Variants in BMS1 observed in about 807,000 individuals in gnomAD.
BMS1 encodes BMS1 ribosome biogenesis factor.
Under a neutral mutation model 138.7 loss-of-function variants are expected in BMS1, and 53 were observed. The observed-to-expected ratio is 0.38, with a 90% confidence interval of 0.31 to 0.48. BMS1 has a LOEUF of 0.48. Among genes scored for constraint, BMS1 ranks in the 20% least tolerant of loss-of-function variants. The probability of loss-of-function intolerance (pLI) is 0.97; values close to 1 mark genes in which losing one functional copy is unlikely to be tolerated. For missense variants in BMS1, 1,360 were observed against 1,565.5 expected, an observed-to-expected ratio of 0.87 and a Z score of 2.22; for synonymous variants, 504 against 539.9, an observed-to-expected ratio of 0.93 and a Z score of 0.92.
rs1842809462 is a variant in BMS1, at chr10:42,831,981, G to T, written c.*885G>T. The T allele has an allele frequency of 6.6e-6, 1 of 152,012 alleles. No homozygotes were observed. Among genetic ancestry groups the T allele is most frequent in the Non-Finnish European group, 1.5e-5 (1 of 68,004 alleles). The allele number at this position is 152,012 out of a possible 1,614,324, so 9.4% of individuals were successfully genotyped here. ...TGTAATCATAGATTCACATATAGTT[G>T]TATATTTTGCCCAATTTCTCTCAGT... is the stretch of plus-strand genomic sequence containing the variant. On this transcript the variant is annotated 3_prime_UTR_variant, in exon 23 of 23. Transcript: ENST00000374518.
rs1362820608 is a variant in BMS1, at chr10:42,832,024, A to T, written c.*928A>T. ...CTCTCAGTGGTAATGTTTCACACAT[A>T]TAACAATCAGGATGTTGACATCAAT... On this transcript the variant is annotated 3_prime_UTR_variant, in exon 23 of 23. Coordinates refer to ENST00000374518, the MANE Select transcript of BMS1 (RefSeq NM_014753.4). 1 of 152,206 alleles carries T rather than the reference A, an allele frequency of 6.6e-6. No individual in the cohort carries two copies. Among genetic ancestry groups the T allele is most frequent in the Admixed American group, 6.5e-5 (1 of 15,286 alleles). 9.4% of individuals were successfully genotyped at this position (152,206 alleles called of 1,614,324 possible).
intron 14 of BMS1, 59 bp from the exon 15 acceptor site, chr10:42,817,259 A>C: frequency 7.9e-7 from 1 of 1,260,296 alleles, no homozygotes; most frequent in Non-Finnish European, 1.1e-6. Flanking sequence ...AAAAAAGCTA[A>C]TGTTTAAAGA....
chr10:42,823,495 A>G (rs1842559428), intron 20 of BMS1, 114 bp from the exon 21 acceptor site: 1 of 1,205,528 alleles, frequency 8.3e-7, no homozygotes, highest in Non-Finnish European at 1.1e-6. Context: ...TTTCCTTCAA[A>G]TACTTTGCAG....
intron 14 of BMS1, 95 bp from the exon 15 acceptor site, chr10:42,817,222 CT>C: frequency 2.0e-6 from 2 of 990,438 alleles, no homozygotes; most frequent in Admixed American, 2.8e-5. Flanking sequence ...CAGATTTTTG[CT>C]AAGATTCTTG....
chr10:42,784,854 T>C lies in BMS1; in HGVS notation c.176+284T>C, dbSNP rs544575212. 1.3e-3 allele frequency among the ~76,000 whole-genome samples: 200 copies of C among 152,242 alleles called. 1 individual carries two copies. The highest frequency in any genetic ancestry group is 1.5e-3 in the Admixed American group (23 of 15,302). On this transcript the variant is annotated intron_variant, in intron 2 of 22. Transcript: ENST00000374518. ...TTTCTATGGTGATAAGTGTGCTTTTTCCCCCCAGGTATGTTTTACATAGTT... is the reference window on the plus strand; with the variant it reads ...TTTCTATGGTGATAAGTGTGCTTTTCCCCCCCAGGTATGTTTTACATAGTT...
In BMS1 at chr10:42,828,860, C is replaced by T. The variant is rs565063106; in HGVS notation, c.3457-1401C>T. Reference sequence around the variant, plus strand: ...TAAAGTAGTTAATGAAATTTTGAACCGTCTTACATGAATTTTTATTAAAAT... The same window carrying T: ...TAAAGTAGTTAATGAAATTTTGAACTGTCTTACATGAATTTTTATTAAAAT... On this transcript the variant is annotated intron_variant, in intron 21 of 22. Coordinates refer to ENST00000374518, the MANE Select transcript of BMS1 (RefSeq NM_014753.4). Among the ~76,000 whole-genome samples the T allele has an allele frequency of 6.6e-5, 10 of 152,180 alleles. No homozygotes were observed. In the East Asian group the frequency reaches 1.2e-3, roughly 18 times the overall value.
In BMS1 at chr10:42,796,948, G is replaced by A. The variant is rs746799747; in HGVS notation, c.1704G>A (p.Leu568=). The A allele has an allele frequency of 6.2e-7, 1 of 1,614,226 alleles. No homozygotes were observed. The highest frequency in any genetic ancestry group is 1.1e-5 in the South Asian group (1 of 91,090). The change falls in exon 10 of 23, where the codon CTG becomes CTA. Residue 568 remains leucine (L), a synonymous_variant. Transcript: ENST00000374518. The stretch of plus-strand genomic sequence containing the variant: ...GTGTGAATCTGGAGAAGTCTTTGCT[G>A]ATGAAGAAAGCAGCTCTCCCCACTT... The part of the protein sequence containing the change: ...SDRVNLEKSL[L]MKKAALPTFD...
At chr10:42,812,436 G>A (rs774165661) in intron 13 of BMS1, among the ~76,000 whole-genome samples, 56 of 152,138 alleles carry the variant, frequency 3.7e-4, no homozygotes, top group Non-Finnish European at 6.5e-4. Context: ...CACTGTGCCC[G>A]GCCTCCGCCT....
At position 42,820,496 on chromosome 10, in the gene BMS1, T is replaced by C; in HGVS notation, c.2770-12T>C. On this transcript the variant is annotated splice_polypyrimidine_tract_variant and intron_variant, in intron 16 of 22. Coordinates refer to ENST00000374518, the MANE Select transcript of BMS1 (RefSeq NM_014753.4). ...CCCCTCCATCAATCATCTTACCCTC[T>C]CGTCCCCTCAGATGCGTCTGAAGAA... 1.2e-6 allele frequency: 2 copies of C among 1,611,246 alleles called. No individual in the cohort carries two copies. Among genetic ancestry groups the C allele is most frequent in the South Asian group, 2.2e-5 (2 of 90,882 alleles).
At chr10:42,818,830 T>A (rs551952447) in intron 15 of BMS1, among the ~76,000 whole-genome samples, 2 of 152,204 alleles carry the variant, frequency 1.3e-5, no homozygotes, top group South Asian at 4.1e-4. Flanking sequence ...ATGGGGCGAT[T>A]GTGGCCGTGA....
At chr10:42,824,087 G>A (rs992565819) in intron 21 of BMS1, among the ~76,000 whole-genome samples, 7 of 152,028 alleles carry the variant, frequency 4.6e-5, no homozygotes, top group South Asian at 2.1e-4. Context: ...GGTTACTATC[G>A]TGAAGCAAAT....
chr10:42,812,052 T>C (rs1413525044), intron 13 of BMS1, among the ~76,000 whole-genome samples: 1 of 152,196 alleles, frequency 6.6e-6, no homozygotes, highest in Non-Finnish European at 1.5e-5. Context: ...TCTTGGTAGA[T>C]TTCTATTGAC....
chr10:42,783,079 G>A (rs1460669200), intron 1 of BMS1, among the ~76,000 whole-genome samples: 2 of 152,104 alleles, frequency 1.3e-5, no homozygotes, highest in African/African-American at 4.8e-5. Context: ...TGGCGACGTG[G>A]TCCCGGTAGG....
At chr10:42,790,583 G>GT in intron 5 of BMS1, 72 bp downstream of exon 5, 1 of 1,497,230 alleles carries the variant, frequency 6.7e-7, no homozygotes, top group Admixed American at 1.8e-5. Context: ...GCCGGGTGCA[G>GT]TGGCTAACAC....
intron 7 of BMS1, 136 bp downstream of exon 7, chr10:42,792,750 G>C: frequency 1.4e-6 from 2 of 1,404,728 alleles, no homozygotes. Flanking sequence ...CCACCTATGT[G>C]TAGGCCTGCA....
intron 9 of BMS1, among the ~76,000 whole-genome samples, chr10:42,794,456 G>A (rs1171628631): frequency 6.6e-6 from 1 of 151,698 alleles, no homozygotes; most frequent in East Asian, 1.9e-4. Flanking sequence ...TTGGGGATTT[G>A]TATACCTTTA....
At chr10:42,813,451 G>A (rs1024435461) in intron 13 of BMS1, among the ~76,000 whole-genome samples, 10 of 152,060 alleles carry the variant, frequency 6.6e-5, no homozygotes, top group Non-Finnish European at 1.5e-4. Context: ...TATGCATATT[G>A]TAATATAGTA....
At chr10:42,819,370 A>AGT (rs1157637407) in intron 15 of BMS1, among the ~76,000 whole-genome samples, 1 of 152,238 alleles carries the variant, frequency 6.6e-6, no homozygotes, top group East Asian at 1.9e-4. Flanking sequence ...GACCACTTCC[A>AGT]GTGTGACTAG....
At chr10:42,784,145 C>T (rs556666209) in intron 1 of BMS1, among the ~76,000 whole-genome samples, 68 of 152,186 alleles carry the variant, frequency 4.5e-4, no homozygotes, top group Admixed American at 3.3e-3. Context: ...AGTAACTTAA[C>T]CATAAAATGT....
Sources: allele counts gnomAD v4.1 joint callset (sites outside exome capture counted in the v4.1 genomes callset), GRCh38; gene constraint gnomAD v4.1.1; transcripts MANE v1.5; gene names NCBI Gene and HGNC (gene_info 2026-07-23, HGNC 2026-07-21).